Variants in KLHL14 observed in about 807,000 individuals in gnomAD.
The protein encoded by KLHL14 is kelch like family member 14.
Under a neutral mutation model 64.3 loss-of-function variants are expected in KLHL14, and 22 were observed. The observed-to-expected ratio is 0.34, with a 90% confidence interval of 0.24 to 0.49. KLHL14 has a LOEUF of 0.49. KLHL14 is among the 20% of genes least tolerant of loss of function. The pLI, the probability that KLHL14 is intolerant of heterozygous loss-of-function variation, is 0.99. For synonymous variants in KLHL14, 322 were observed against 333.4 expected, an observed-to-expected ratio of 0.97 and a Z score of 0.37; for missense variants, 661 against 789.0, an observed-to-expected ratio of 0.84 and a Z score of 1.94.
chr18:32,674,573 A>T lies in KLHL14; in HGVS notation c.*84T>A, dbSNP rs1460720628. The T allele has an allele frequency of 5.6e-6, 4 of 708,162 alleles. No individual in the cohort carries two copies. The highest frequency in any genetic ancestry group is 1.1e-5 in the Non-Finnish European group (4 of 380,586). 43.9% of individuals were successfully genotyped at this position (708,162 alleles called of 1,614,324 possible). On this transcript the variant is annotated 3_prime_UTR_variant, in exon 9 of 9. Coordinates refer to ENST00000359358, the MANE Select transcript of KLHL14 (RefSeq NM_020805.3). Reference sequence around the variant, plus strand: ...TGGGTTTTGGCAGTTGTACCATTAGAATGCATTGTTCCTATTATAATAGTG... The same window carrying T: ...TGGGTTTTGGCAGTTGTACCATTAGTATGCATTGTTCCTATTATAATAGTG...
rs555259078 is a variant in KLHL14 at position 32,678,800 on chromosome 18, C to T, written c.1588+1369G>A. The stretch of plus-strand genomic sequence containing the variant: ...TACAATGTCTATATCCTCTCCTCAC[C>T]ATGATGCCTCCTTGAGCTAACCCAG... On this transcript the variant is annotated intron_variant, in intron 7 of 8. Transcript: ENST00000359358. Among the ~76,000 whole-genome samples, 4 of 152,254 alleles carry T rather than the reference C, an allele frequency of 2.6e-5. No individual in the cohort carries two copies. The South Asian group carries it at 8.3e-4, about 32-fold the overall frequency.
chr18:32,736,538 A>G (rs982446698), intron 3 of KLHL14, among the ~76,000 whole-genome samples: 5 of 152,084 alleles, frequency 3.3e-5, no homozygotes, highest in Non-Finnish European at 7.4e-5. Context: ...CCCTGAAAAC[A>G]AAAAATAGAG....
intron 3 of KLHL14, among the ~76,000 whole-genome samples, chr18:32,720,027 A>G (rs2050068918): frequency 6.6e-6 from 1 of 152,236 alleles, no homozygotes; most frequent in Non-Finnish European, 1.5e-5. Context: ...TCCTGCACAA[A>G]GCATAATTGT....
intron 3 of KLHL14, among the ~76,000 whole-genome samples, chr18:32,739,993 T>TTTTA (rs1424188384): frequency 6.6e-6 from 1 of 150,674 alleles, no homozygotes; most frequent in African/African-American, 2.5e-5. Flanking sequence ...ATAAACACAA[T>TTTTA]TTTTATTTTA....
chr18:32,724,553 C>T (rs1320219729), intron 3 of KLHL14, among the ~76,000 whole-genome samples: 3 of 152,192 alleles, frequency 2.0e-5, no homozygotes, highest in Non-Finnish European at 4.4e-5. Context: ...TGGACACACC[C>T]TTAACCTTGG....
chr18:32,672,940 A>G lies in KLHL14; in HGVS notation c.*1717T>C, dbSNP rs2049792133. The G allele has an allele frequency of 6.6e-6, 1 of 152,630 alleles. No homozygotes were observed. The highest frequency in any genetic ancestry group is 1.5e-5 in the Non-Finnish European group (1 of 68,034). 9.5% of individuals were successfully genotyped at this position (152,630 alleles called of 1,614,324 possible). A position where few individuals can be genotyped will look rare whatever the true frequency, so the allele number is the denominator to read the frequency against. On this transcript the variant is annotated 3_prime_UTR_variant, in exon 9 of 9. Coordinates refer to ENST00000359358, the MANE Select transcript of KLHL14 (RefSeq NM_020805.3). ...ATTGTGACTTTTGGAAGAAACAGTG[A>G]CAGTTGACAACAAAAGGTTCTGAAG...
At chr18:32,675,190 C>T (rs2049805498) in intron 8 of KLHL14, among the ~76,000 whole-genome samples, 1 of 151,990 alleles carries the variant, frequency 6.6e-6, no homozygotes, top group African/African-American at 2.4e-5. Flanking sequence ...CTCATCTTTA[C>T]ACACACACTA....
At chr18:32,762,622 T>C (rs967841466) in intron 2 of KLHL14, among the ~76,000 whole-genome samples, 2 of 152,178 alleles carry the variant, frequency 1.3e-5, no homozygotes, top group African/African-American at 4.8e-5. Flanking sequence ...CTCTGCTATT[T>C]ACAGTAAAAT....
At chr18:32,707,698 C>T (rs867805742) in intron 3 of KLHL14, among the ~76,000 whole-genome samples, 8 of 152,170 alleles carry the variant, frequency 5.3e-5, no homozygotes, top group Admixed American at 2.0e-4. Flanking sequence ...AGCGTGTTGT[C>T]ACCATTCGAT....
Position 32,770,278 on chromosome 18 carries a change from C to G in KLHL14, c.314G>C (p.Gly105Ala). Reference protein sequence around the residue: ...QQQPPPQEEPGTPSSSPDDKL... With the variant: ...QQQPPPQEEPATPSSSPDDKL... ...GTCGTCGGGGGAGGAAGAAGGAGTC[C>G]CGGGCTCCTCCTGCGGCGGCGGCTG... Residue 105 changes from glycine to alanine, a missense_variant, in exon 2 of 9, where the codon GGG becomes GCG. Physicochemically the swap from Gly to Ala is moderately conservative, Grantham distance 60. Around this residue, in one of 2 missense-constraint regions of KLHL14, gnomAD observed 331 missense variants for 339.0 expected, o/e 0.98. Coordinates refer to ENST00000359358, the MANE Select transcript of KLHL14 (RefSeq NM_020805.3). The surrounding 1 kb of genome is among the most constrained non-coding windows in gnomAD (Gnocchi z 6.7). 1 of 1,590,050 alleles carries G rather than the reference C, an allele frequency of 6.3e-7. No homozygotes were observed.
chr18:32,722,203 C>T (rs1243852483), intron 3 of KLHL14, among the ~76,000 whole-genome samples: 1 of 152,194 alleles, frequency 6.6e-6, no homozygotes, highest in Non-Finnish European at 1.5e-5. Context: ...TTTATAATTA[C>T]CCAGTCTTAG....
intron 5 of KLHL14, among the ~76,000 whole-genome samples, chr18:32,681,986 G>A (rs1306487902): frequency 2.6e-5 from 4 of 152,058 alleles, no homozygotes; most frequent in Non-Finnish European, 5.9e-5. Context: ...TTTCTCACAG[G>A]GCTATTGGCA....
Position 32,770,838 on chromosome 18 carries a change from G to A in KLHL14, c.-43-204C>T. ...GCTGGATCCGTGAGCGCCACCAGAA[G>A]GGCCCTGTCTGGGGTCCCGGCGCCG... On this transcript the variant is annotated intron_variant, in intron 1 of 8. Coordinates refer to ENST00000359358, the MANE Select transcript of KLHL14 (RefSeq NM_020805.3). This position sits in a 1 kb window ranked among gnomAD's most constrained non-coding sequence, Gnocchi z 6.7. 1 of 487,136 alleles carries A rather than the reference G, an allele frequency of 2.1e-6. No homozygotes were observed. The highest frequency in any genetic ancestry group is 3.6e-6 in the Non-Finnish European group (1 of 274,298). 30.2% of individuals were successfully genotyped at this position (487,136 alleles called of 1,614,324 possible). A position where few individuals can be genotyped will look rare whatever the true frequency, so the allele number is the denominator to read the frequency against.
chr18:32,674,856 G>A (rs116921980), intron 8 of KLHL14, 59 bp from the exon 9 acceptor site: 2 of 730,446 alleles, frequency 2.7e-6, no homozygotes, highest in Non-Finnish European at 5.1e-6. Context: ...CAATGGCAAT[G>A]TTACTGATCA....
At position 32,770,628 on chromosome 18, in the gene KLHL14, C is replaced by T. The variant is rs1414518294; in HGVS notation, c.-37G>A. The T allele has an allele frequency of 2.0e-6, 3 of 1,494,076 alleles. No homozygotes were observed. The highest frequency in any genetic ancestry group is 2.7e-6 in the Non-Finnish European group (3 of 1,122,776). 92.6% of individuals were successfully genotyped at this position (1,494,076 alleles called of 1,614,324 possible). On this transcript the variant is annotated 5_prime_UTR_variant, in exon 2 of 9. Coordinates refer to ENST00000359358, the MANE Select transcript of KLHL14 (RefSeq NM_020805.3). The surrounding 1 kb of genome is among the most constrained non-coding windows in gnomAD (Gnocchi z 6.7). ...TCGGTGCACCTGGCTTTAAACCCTC[C>T]TCCAACCTGGCAGACAGGGGTGGGG...
intron 1 of KLHL14, chr18:32,772,298 C>A: frequency 2.8e-6 from 1 of 351,918 alleles, no homozygotes; most frequent in Non-Finnish European, 6.0e-6. Flanking sequence ...GTGGACCCTA[C>A]CCTCCCTCGC....
chr18:32,692,747 A>C (rs925308840), intron 4 of KLHL14, among the ~76,000 whole-genome samples: 1 of 152,218 alleles, frequency 6.6e-6, no homozygotes, highest in African/African-American at 2.4e-5. Flanking sequence ...CTGAAATCAG[A>C]TAGACCTAGG....
intron 3 of KLHL14, 120 bp downstream of exon 3, chr18:32,741,808 T>A (rs1330877537): frequency 1.1e-5 from 13 of 1,217,724 alleles, no homozygotes; most frequent in Non-Finnish European, 1.3e-5. Context: ...TAAACAAACC[T>A]CCAAAGGGGA....
intron 3 of KLHL14, among the ~76,000 whole-genome samples, chr18:32,717,193 G>C (rs987614549): frequency 6.6e-6 from 1 of 152,172 alleles, no homozygotes; most frequent in Admixed American, 6.5e-5. Flanking sequence ...CATTGATGTG[G>C]TATGTGAAAT....
Sources: allele counts gnomAD v4.1 joint callset (sites outside exome capture counted in the v4.1 genomes callset), GRCh38; gene constraint gnomAD v4.1.1; regional missense constraint gnomAD v4.1.1; non-coding constraint Gnocchi (gnomAD v3.1); transcripts MANE v1.5; gene names NCBI Gene and HGNC (gene_info 2026-07-23, HGNC 2026-07-21).